The following DMXL1 variants were observed in gnomAD, a reference collection of about 807,000 sequenced individuals.
The protein encoded by DMXL1 is Dmx like 1.
Under a neutral mutation model 319.2 loss-of-function variants are expected in DMXL1, and 99 were observed. The ratio of observed to expected loss-of-function variants is 0.31; its 90% CI spans 0.26 to 0.37. The LOEUF (loss-of-function observed/expected upper bound fraction) is 0.37. DMXL1 is among the 10% of genes least tolerant of loss of function. The probability of loss-of-function intolerance (pLI) is 1.00; values close to 1 mark genes in which losing one functional copy is unlikely to be tolerated. For missense variants in DMXL1, 3,745 were observed against 3,595.6 expected (o/e 1.04, Z -1.06); for synonymous variants, 1,385 against 1,235.2 (o/e 1.12, Z -2.54).
intron 3 of DMXL1, 115 bp from the exon 4 acceptor site, chr5:119,105,064 TG>T: frequency 3.0e-6 from 2 of 670,450 alleles, no homozygotes; most frequent in Non-Finnish European, 5.3e-6. Flanking sequence ...CTGAACATTT[TG>T]TTATCTTTAA....
chr5:119,182,191 A>G (rs573539717), intron 28 of DMXL1, among the ~76,000 whole-genome samples: 21 of 152,314 alleles, frequency 1.4e-4, no homozygotes, highest in Admixed American at 3.3e-4. Flanking sequence ...AGGGAATAAA[A>G]CAGTGTATTT....
intron 3 of DMXL1, among the ~76,000 whole-genome samples, chr5:119,103,420 C>T (rs1037661603): frequency 3.3e-5 from 5 of 152,078 alleles, no homozygotes; most frequent in Non-Finnish European, 2.9e-5. Flanking sequence ...GCCATTATTT[C>T]TTCTTTTTAT....
intron 13 of DMXL1, among the ~76,000 whole-genome samples, chr5:119,141,606 C>T (rs1447559930): frequency 1.3e-5 from 2 of 152,002 alleles, no homozygotes; most frequent in Non-Finnish European, 2.9e-5. Flanking sequence ...TCAGAGAAGA[C>T]ACAAACACAT....
chr5:119,139,474 C>A (rs543114942), intron 13 of DMXL1, among the ~76,000 whole-genome samples: 8 of 152,254 alleles, frequency 5.3e-5, no homozygotes, highest in Middle Eastern at 3.4e-3. Context: ...GGGTTGCCAT[C>A]CTGATTTCAG....
At chr5:119,164,325 C>T (rs1018857209) in intron 19 of DMXL1, among the ~76,000 whole-genome samples, 182 bp from the exon 20 acceptor site, 1 of 151,916 alleles carries the variant, frequency 6.6e-6, no homozygotes, top group Non-Finnish European at 1.5e-5. Context: ...CATATATGTG[C>T]TCATTGGAGT....
chr5:119,234,175 C>G (rs1043142108), intron 39 of DMXL1, among the ~76,000 whole-genome samples: 2 of 152,056 alleles, frequency 1.3e-5, no homozygotes, highest in African/African-American at 2.4e-5. Flanking sequence ...AAACTGCCCC[C>G]CTCCCCACTT....
At chr5:119,100,567 T>A (rs1757023675) in intron 2 of DMXL1, 1 of 152,114 alleles carries the variant, frequency 6.6e-6, no homozygotes, top group African/African-American at 2.4e-5. Flanking sequence ...CTTTTATTCA[T>A]CAGCTTCAAA....
At chr5:119,099,858 G>A (rs557340934) in intron 2 of DMXL1, among the ~76,000 whole-genome samples, 4 of 152,132 alleles carry the variant, frequency 2.6e-5, no homozygotes, top group Non-Finnish European at 4.4e-5. Flanking sequence ...GTAAATAGCC[G>A]GACATGGTAG....
intron 13 of DMXL1, among the ~76,000 whole-genome samples, chr5:119,135,945 A>G (rs1320712486): frequency 6.6e-6 from 1 of 152,234 alleles, no homozygotes; most frequent in South Asian, 2.1e-4. Flanking sequence ...GCGGTGTTGG[A>G]ACTGGGTAAC....
chr5:119,176,028 T>C (rs1429694854), intron 26 of DMXL1, among the ~76,000 whole-genome samples: 1 of 152,056 alleles, frequency 6.6e-6, no homozygotes, highest in East Asian at 1.9e-4. Flanking sequence ...CCCTCCTATA[T>C]TCCATTTCTT....
chr5:119,194,944 A>G (rs73242996), intron 30 of DMXL1, among the ~76,000 whole-genome samples: 12,385 of 152,182 alleles, frequency 0.081, 643 homozygotes, highest in African/African-American at 0.14. Flanking sequence ...CATTTCTCCA[A>G]AGACGATATG....
At position 119,171,258 on chromosome 5, in the gene DMXL1, T is replaced by G. The variant is rs1229345675; in HGVS notation, c.6467T>G (p.Leu2156Trp). 4 of 1,597,768 alleles carry G rather than the reference T, an allele frequency of 2.5e-6. No individual in the cohort carries two copies. The highest frequency in any genetic ancestry group is 3.4e-6 in the Non-Finnish European group (4 of 1,170,454). The change falls in exon 24 of 44, where the codon TTG becomes TGG. Residue 2156 changes from leucine to tryptophan, a missense_variant. By Grantham distance (61) the Leu-to-Trp change is moderately conservative. This residue lies in a region of DMXL1 where 1,382 missense variants were observed against 1,269.5 expected (regional missense o/e 1.09). Transcript: ENST00000539542. ...GLASVRMELI[L>W]LLQESQQETS... ...GCATCTGTAAGAATGGAATTGATTT[T>G]GCTTTTGCAAGAATCTCAGCAGGTA...
At chr5:119,151,571 T>C (rs935265398) in intron 18 of DMXL1, among the ~76,000 whole-genome samples, 1 of 152,130 alleles carries the variant, frequency 6.6e-6, no homozygotes, top group African/African-American at 2.4e-5. Context: ...AGCAGATTAT[T>C]GGGGTGGATG....
chr5:119,083,587 G>A (rs757686732), intron 1 of DMXL1, among the ~76,000 whole-genome samples: 2 of 152,108 alleles, frequency 1.3e-5, no homozygotes, highest in Non-Finnish European at 2.9e-5. Context: ...TGTTGCCCAG[G>A]CTGGAGTGCA....
chr5:119,143,047 ATGGAAAAACAGACAC>A (rs1314922981), intron 13 of DMXL1, among the ~76,000 whole-genome samples: 1 of 151,970 alleles, frequency 6.6e-6, no homozygotes, highest in African/African-American at 2.4e-5. Context: ...AACCCAAAGA[ATGGAAAAACAGACAC>A]TGGGGACTTC....
rs921249194 is a variant in DMXL1 at position 119,178,029 on chromosome 5, C to T, written c.6920C>T (p.Ser2307Phe). The change falls in exon 28 of 44, where the codon TCT becomes TTT. Residue 2307 changes from serine (S) to phenylalanine (F), a missense_variant. Ser to Phe is a radical substitution (Grantham distance 155). Transcript: ENST00000539542. ...TGTCTAATTCGACTTTTGAATTCTTCTGGCGAGGAAGCCCAGTCAGGGCTT... is the reference window on the plus strand; with the variant it reads ...TGTCTAATTCGACTTTTGAATTCTTTTGGCGAGGAAGCCCAGTCAGGGCTT... The part of the protein sequence containing the change: ...ITCLIRLLNS[S>F]GEEAQSGLTV... 6.2e-7 allele frequency: 1 copy of T among 1,609,732 alleles called. No individual in the cohort carries two copies. Among genetic ancestry groups the T allele is most frequent in the Non-Finnish European group, 8.5e-7 (1 of 1,177,578 alleles).
chr5:119,138,428 G>A (rs1032182582), intron 13 of DMXL1, among the ~76,000 whole-genome samples: 3 of 152,182 alleles, frequency 2.0e-5, no homozygotes, highest in Admixed American at 2.0e-4. Flanking sequence ...GACATAGTAG[G>A]TTAGTATCTG....
At chr5:119,120,108 C>T (rs942124788) in intron 8 of DMXL1, among the ~76,000 whole-genome samples, 5 of 151,438 alleles carry the variant, frequency 3.3e-5, no homozygotes, top group East Asian at 2.0e-4. Context: ...CCTCCCACAC[C>T]GGTTGGTCTC....
intron 10 of DMXL1, among the ~76,000 whole-genome samples, chr5:119,130,165 A>C (rs1440792696): frequency 6.6e-6 from 1 of 152,106 alleles, no homozygotes; most frequent in African/African-American, 2.4e-5. Context: ...TAGGTAAGAA[A>C]AATCAAACAG....
Sources: allele counts gnomAD v4.1 joint callset (sites outside exome capture counted in the v4.1 genomes callset), GRCh38; gene constraint gnomAD v4.1.1; regional missense constraint gnomAD v4.1.1; transcripts MANE v1.5; gene names NCBI Gene and HGNC (gene_info 2026-07-23, HGNC 2026-07-21).